GRIP2: variants seen among roughly 807,000 people sequenced by gnomAD.
The protein encoded by GRIP2 is glutamate receptor-interacting protein 2.
In GRIP2, 58 loss-of-function variants were observed where a neutral mutation model predicts 108.3. The observed-to-expected ratio is 0.54, with a 90% CI of 0.43 to 0.67. The LOEUF is 0.67. GRIP2 is among the 30% of genes least tolerant of loss of function. The pLI is 0.00. For synonymous variants in GRIP2, 586 were observed against 598.2 expected (o/e 0.98, Z 0.30); for missense variants, 1,278 against 1,430.6 (o/e 0.89, Z 1.72).
chr3:14,602,240 C>G, the GRIP2 span: 1 of 152,142 alleles, frequency 6.6e-6, no homozygotes. The surrounding 1 kb of genome is among the most constrained non-coding windows in gnomAD (Gnocchi z 4.7). Flanking sequence ...CTCCCGCCCC[C>G]TCGCGGTCAG....
Position 14,540,144 on chromosome 3 carries a change from C to T in GRIP2, c.40+125G>A. ...GTGTCCTGCCCCACCCTCCCCAAGCCCTGGGTCTCCAGGGAGTGGCAGTCC... is the reference window on the plus strand; with the variant it reads ...GTGTCCTGCCCCACCCTCCCCAAGCTCTGGGTCTCCAGGGAGTGGCAGTCC... On this transcript the variant is annotated intron_variant, in intron 1 of 23. Coordinates refer to ENST00000621039, the MANE Select transcript of GRIP2 (RefSeq NM_001080423.4). This position sits in a 1 kb window ranked among gnomAD's most constrained non-coding sequence, Gnocchi z 4.1. 7.9e-7 allele frequency: 1 copy of T among 1,261,492 alleles called. No homozygotes were observed. The highest frequency in any genetic ancestry group is 1.1e-6 in the Non-Finnish European group (1 of 911,376). 78.1% of individuals were successfully genotyped at this position (1,261,492 alleles called of 1,614,324 possible). A position where few individuals can be genotyped will look rare whatever the true frequency, so the allele number is the denominator to read the frequency against.
At chr3:14,530,376 A>C (rs1450911175) in intron 1 of GRIP2, among the ~76,000 whole-genome samples, 1 of 151,312 alleles carries the variant, frequency 6.6e-6, no homozygotes, top group Non-Finnish European at 1.5e-5. Flanking sequence ...CATCACCTGC[A>C]CTCATCCTAC....
chr3:14,531,593 A>G (rs191942752), intron 1 of GRIP2, among the ~76,000 whole-genome samples: 1 of 152,276 alleles, frequency 6.6e-6, no homozygotes, highest in East Asian at 1.9e-4. Context: ...TGTGCACACC[A>G]CCACATTATC....
chr3:14,515,231 A>G (rs1694216602), intron 11 of GRIP2, among the ~76,000 whole-genome samples: 1 of 152,176 alleles, frequency 6.6e-6, no homozygotes, highest in South Asian at 2.1e-4. Context: ...TTGTTTATCT[A>G]TTCATCCATT....
Position 14,521,817 on chromosome 3 carries a change from C to T in GRIP2, c.567-30G>A. The T allele has an allele frequency of 3.9e-6, 6 of 1,547,904 alleles. No homozygotes were observed. Among genetic ancestry groups the T allele is most frequent in the East Asian group, 2.4e-5 (1 of 41,830 alleles). On this transcript the variant is annotated intron_variant, in intron 6 of 23. Coordinates refer to ENST00000621039, the MANE Select transcript of GRIP2 (RefSeq NM_001080423.4). This position sits in a 1 kb window ranked among gnomAD's most constrained non-coding sequence, Gnocchi z 5.1. ...AGGGAAGGGCCAGTCACCAGCCTGG[C>T]CCGGCAGCAGCACTGGGCACAGCCT... is the stretch of plus-strand genomic sequence containing the variant.
chr3:14,574,291 C>T, the GRIP2 span: 19 of 968,108 alleles, frequency 2.0e-5, no homozygotes, highest in Non-Finnish European at 3.0e-5. Flanking sequence ...AGCCGTCCCA[C>T]CATGCTCAGC....
In GRIP2 at chr3:14,506,980, C is replaced by G. The variant is rs749281834; in HGVS notation, c.2219G>C (p.Arg740Pro). 3 of 1,598,208 alleles carry G rather than the reference C, an allele frequency of 1.9e-6. No homozygotes were observed. The highest frequency in any genetic ancestry group is 4.5e-5 in the East Asian group (2 of 44,238). The change falls in exon 19 of 24, where the codon CGT becomes CCT. Residue 740 changes from arginine to proline, a missense_variant and splice_region_variant. Arg to Pro is a moderately radical substitution (Grantham distance 103, BLOSUM62 -2). Transcript: ENST00000621039. ...GCCCGACTTGCGGGGTAGGAGGGGACCTGGGAGGAGAGAGGGGTGTCAATT... is the reference window on the plus strand; with the variant it reads ...GCCCGACTTGCGGGGTAGGAGGGGAGCTGGGAGGAGAGAGGGGTGTCAATT... ...VTLKIKKQLD[R>P]PLLPRKSGSL...
intron 1 of GRIP2, among the ~76,000 whole-genome samples, chr3:14,528,324 G>C (rs191161820): frequency 1.3e-5 from 2 of 152,140 alleles, no homozygotes; most frequent in African/African-American, 4.8e-5. Context: ...CCAGTTTTTG[G>C]TGATTTTGAA....
intron 16 of GRIP2, among the ~76,000 whole-genome samples, 180 bp downstream of exon 16, chr3:14,510,985 G>T (rs1051899612): frequency 1.3e-5 from 2 of 152,140 alleles, no homozygotes; most frequent in African/African-American, 4.8e-5. Flanking sequence ...GGCCCCAGAC[G>T]CCGGGGACAG....
rs768148947 is a variant in GRIP2 at position 14,505,756 on chromosome 3, G to A, written c.2432C>T (p.Thr811Met). The A allele has an allele frequency of 1.5e-5, 24 of 1,572,816 alleles. No individual in the cohort carries two copies. Among genetic ancestry groups the A allele is most frequent in the African/African-American group, 1.2e-4 (9 of 74,022 alleles). Residue 811 changes from threonine (T) to methionine (M), a missense_variant, in exon 20 of 24, where the codon ACG (threonine) becomes ATG (methionine). Physicochemically the swap from Thr to Met is moderately conservative, Grantham distance 81 (BLOSUM62 -1). Coordinates refer to ENST00000621039, the MANE Select transcript of GRIP2 (RefSeq NM_001080423.4). This position sits in a 1 kb window ranked among gnomAD's most constrained non-coding sequence, Gnocchi z 4.2. ...SYTPQAAARG[T>M]TPQERRPGWL... ...GCCAGGCCTCCGCTCCTGGGGGGTC[G>A]TGCCCCGGGCTGCTGCCTGTGGTGT...
intron 22 of GRIP2, among the ~76,000 whole-genome samples, 183 bp downstream of exon 22, chr3:14,496,234 A>AGGTGTGCATGTGTGTG (rs1314281062): frequency 6.6e-6 from 1 of 152,262 alleles, no homozygotes; most frequent in African/African-American, 2.4e-5. Flanking sequence ...TGTGAATCAC[A>AGGTGTGCATGTGTGTG]GGTGTGCATG....
At chr3:14,565,713 G>T in the GRIP2 span, among the ~76,000 whole-genome samples, 1 of 152,234 alleles carries the variant, frequency 6.6e-6, no homozygotes, top group African/African-American at 2.4e-5. Flanking sequence ...GAAAGTGGGT[G>T]TGACAGACCC....
intron 1 of GRIP2, among the ~76,000 whole-genome samples, chr3:14,526,345 C>A (rs976187856): frequency 6.6e-6 from 1 of 152,236 alleles, no homozygotes; most frequent in Admixed American, 6.5e-5. Flanking sequence ...TCTGCTGACT[C>A]TACTACCCAG....
At chr3:14,533,554 G>C (rs762372321) in intron 1 of GRIP2, among the ~76,000 whole-genome samples, 2 of 152,188 alleles carry the variant, frequency 1.3e-5, no homozygotes, top group African/African-American at 4.8e-5. Context: ...AAATTCAGAC[G>C]GAGGAACAAC....
Position 14,503,584 on chromosome 3 carries a change from C to T in GRIP2, c.2661G>A (p.Glu887=). The T allele has an allele frequency of 1.9e-6, 3 of 1,610,734 alleles. No homozygotes were observed. Among genetic ancestry groups the T allele is most frequent in the Non-Finnish European group, 1.7e-6 (2 of 1,178,668 alleles). The change falls in exon 21 of 24, where the codon GAG becomes GAA. Residue 887 remains glutamate, a synonymous_variant. Transcript: ENST00000621039. ...GCCATACCTCCAGTTCCCTCAGCAG[C>T]TCTGACTGACCACATGACTCCAGGT... ...LEDLESCGQS[E]LLRELEASIM... is the part of the protein sequence containing the mutation.
exon 1 of GRIP2, chr3:14,555,952 C>T: frequency 7.5e-6 from 3 of 399,868 alleles, no homozygotes; most frequent in Non-Finnish European, 1.3e-5. Context: ...ACACCGCCAG[C>T]ATTGTGCCCT....
chr3:14,521,919 G>T lies in GRIP2; in HGVS notation c.567-132C>A. ...GGGTGGGGGAGGAAGGGGAGGAGGG[G>T]ACGGGTGAAGGGGCGCATGAGTGAG... On this transcript the variant is annotated intron_variant, in intron 6 of 23. Transcript: ENST00000621039. This position sits in a 1 kb window ranked among gnomAD's most constrained non-coding sequence, Gnocchi z 5.1. The T allele has an allele frequency of 1.3e-6, 1 of 772,702 alleles. No individual in the cohort carries two copies. The highest frequency in any genetic ancestry group is 2.0e-6 in the Non-Finnish European group (1 of 509,834). 47.9% of individuals were successfully genotyped at this position (772,702 alleles called of 1,614,324 possible). A position where few individuals can be genotyped will look rare whatever the true frequency, so the allele number is the denominator to read the frequency against.
chr3:14,555,535 G>C (rs1280520426), intron 1 of GRIP2, among the ~76,000 whole-genome samples: 2 of 151,686 alleles, frequency 1.3e-5, no homozygotes, highest in African/African-American at 4.8e-5. Context: ...AGAGAACCGG[G>C]TGAGGGAGGG....
chr3:14,513,139 T>TAAC (rs1173325166), intron 13 of GRIP2, among the ~76,000 whole-genome samples: 1 of 152,122 alleles, frequency 6.6e-6, no homozygotes, highest in Non-Finnish European at 1.5e-5. Context: ...CCCCACAGCC[T>TAAC]AACAACCCAG....
Sources: gnomAD v4.1 joint callset for allele counts (sites outside exome capture counted in the v4.1 genomes callset) on GRCh38, gnomAD v4.1.1 for gene constraint, Gnocchi (gnomAD v3.1) non-coding constraint, MANE v1.5 for transcripts, NCBI Gene and HGNC (gene_info 2026-07-23, HGNC 2026-07-21) for gene names.